ODF2: variants seen among roughly 807,000 people sequenced by gnomAD.
ODF2 encodes the protein outer dense fiber protein 2.
Under a neutral mutation model 110.2 loss-of-function variants are expected in ODF2, and 47 were observed. The observed-to-expected ratio is 0.43, with a 90% CI of 0.34 to 0.54. ODF2 has a LOEUF of 0.54. ODF2 is among the 20% of genes least tolerant of loss of function. ODF2 has a pLI of 0.03. For missense variants in ODF2, 812 were observed against 1,054.5 expected, an observed-to-expected ratio of 0.77 and a Z score of 3.19; for synonymous variants, 352 against 397.7, an observed-to-expected ratio of 0.89 and a Z score of 1.37.
intron 3 of ODF2, 51 bp from the exon 3 acceptor site, chr9:128,460,499 T>G (rs1272277768): frequency 6.2e-7 from 1 of 1,600,366 alleles, no homozygotes; most frequent in African/African-American, 1.3e-5. Context: ...TATGCCCAGT[T>G]TACTCATCCA....
chr9:128,499,060 G>A (rs1266580095), exon 20 of ODF2: 2 of 1,614,184 alleles, frequency 1.2e-6, no homozygotes, highest in Non-Finnish European at 1.7e-6. Context: ...ACAAAATCCT[G>A]GACCTTGAGA....
At position 128,485,324 on chromosome 9, in the gene ODF2, C is replaced by G. The variant is rs1843154166; in HGVS notation, c.1291-41C>G. ...CTCCCAGCTCCTGGCAGCCTCACCACTGACACTAGGCTAACAGGCCCTTTT... is the reference window on the plus strand; with the variant it reads ...CTCCCAGCTCCTGGCAGCCTCACCAGTGACACTAGGCTAACAGGCCCTTTT... On this transcript the variant is annotated intron_variant, in intron 12 of 20. Coordinates refer to ENST00000604420, the Ensembl canonical transcript of ODF2. The surrounding 1 kb of genome is among the most constrained non-coding windows in gnomAD (Gnocchi z 5.0). 1 of 1,123,048 alleles carries G rather than the reference C, an allele frequency of 8.9e-7. No individual in the cohort carries two copies. Among genetic ancestry groups the G allele is most frequent in the African/African-American group, 1.5e-5 (1 of 65,186 alleles). 69.6% of individuals were successfully genotyped at this position (1,123,048 alleles called of 1,614,324 possible).
chr9:128,456,402 A>T (rs1834788787), intron 1 of ODF2, 147 bp downstream of exon 1: 5 of 1,460,308 alleles, frequency 3.4e-6, no homozygotes, highest in Non-Finnish European at 2.7e-6. Flanking sequence ...CTCCTGTCAG[A>T]ACCTGGGCCC....
intron 4 of ODF2, among the ~76,000 whole-genome samples, chr9:128,461,708 C>T (rs544151770): frequency 1.8e-3 from 274 of 152,172 alleles, no homozygotes; most frequent in South Asian, 0.012. Context: ...CGTGAGCCAC[C>T]ACAGCCAGCC....
chr9:128,469,026 T>C (rs1839037937), intron 4 of ODF2, 157 bp from the exon 5 acceptor site: 13 of 612,048 alleles, frequency 2.1e-5, no homozygotes, highest in Non-Finnish European at 3.2e-5. Context: ...GGATAGGTAA[T>C]GTTCCATCAC....
chr9:128,471,298 C>G lies in ODF2; in HGVS notation c.421-10C>G, dbSNP rs368663505. 159 of 1,602,490 alleles carry G rather than the reference C, an allele frequency of 9.9e-5. No individual in the cohort carries two copies. The highest frequency in any genetic ancestry group is 1.3e-4 in the Non-Finnish European group (157 of 1,175,712). On this transcript the variant is annotated splice_polypyrimidine_tract_variant and intron_variant, in intron 5 of 20. Coordinates refer to ENST00000604420, the Ensembl canonical transcript of ODF2. ...CCTTCAGTGGCCCCTGCCTGGGTCC[C>G]CCTGCTCAGGTCAAGATGCAAAAAG...
At chr9:128,456,528 G>C in intron 1 of ODF2, 1 of 1,527,508 alleles carries the variant, frequency 6.5e-7, no homozygotes, top group Non-Finnish European at 8.7e-7. Flanking sequence ...CGCGGGCAGG[G>C]CTTCACCTTT....
chr9:128,459,505 A>G (rs529705577), intron 2 of ODF2, 62 bp from the exon 2 acceptor site: 1 of 1,306,130 alleles, frequency 7.7e-7, no homozygotes, highest in African/African-American at 1.5e-5. Context: ...ATTTCATGAG[A>G]TCTGAAATAT....
chr9:128,455,974 G>C, upstream of ODF2: 1 of 1,410,810 alleles, frequency 7.1e-7, no homozygotes, highest in Non-Finnish European at 9.2e-7. Flanking sequence ...CCTTGGTGAC[G>C]GGACGCGTGG....
chr9:128,456,073 G>C (rs763132512), upstream of ODF2: 69 of 1,523,554 alleles, frequency 4.5e-5, no homozygotes, highest in South Asian at 4.0e-4. Flanking sequence ...GCGGCTCCCG[G>C]GGGGGTTTGA....
intron 14 of ODF2, among the ~76,000 whole-genome samples, chr9:128,488,413 A>G (rs1843841424): frequency 6.6e-6 from 1 of 152,094 alleles, no homozygotes; most frequent in African/African-American, 2.4e-5. Context: ...AAACAGAGAG[A>G]GACTCTGTGT....
At chr9:128,491,458 G>C (rs1286593332) in intron 14 of ODF2, among the ~76,000 whole-genome samples, 1 of 151,676 alleles carries the variant, frequency 6.6e-6, no homozygotes, top group Non-Finnish European at 1.5e-5. Context: ...TGGAGTTTGA[G>C]ATCAGCCTGG....
At chr9:128,496,135 T>G in exon 18 of ODF2, 1 of 1,613,902 alleles carries the variant, frequency 6.2e-7, no homozygotes, top group Non-Finnish European at 8.5e-7. Context: ...GTGGATGAAC[T>G]GGAGAGGTTA....
At chr9:128,489,016 G>T (rs1194008574) in intron 14 of ODF2, among the ~76,000 whole-genome samples, 1 of 152,034 alleles carries the variant, frequency 6.6e-6, no homozygotes, top group East Asian at 1.9e-4. Context: ...CAAAAGAAAA[G>T]AAAAGAAATG....
intron 11 of ODF2, 92 bp from the exon 12 acceptor site, chr9:128,484,609 T>C (rs1216822682): frequency 9.5e-6 from 13 of 1,371,576 alleles, no homozygotes; most frequent in East Asian, 2.5e-5. Flanking sequence ...GCTCTTGCCT[T>C]TTCCTCCCTT....
rs780835655 is a variant in ODF2 at position 128,494,588 on chromosome 9, G to A, written c.1831G>A (p.Ala611Thr). 1.2e-6 allele frequency: 2 copies of A among 1,614,070 alleles called. No homozygotes were observed. Among genetic ancestry groups the A allele is most frequent in the African/African-American group, 1.3e-5 (1 of 74,924 alleles). ...CCTGAAGATCACGGAGGCGAAGCTG[G>A]CTGAGTGCCAAGACCAACTGCAGGG... The change falls in exon 17 of 21, where the codon GCT (alanine) becomes ACT (threonine). Residue 611 changes from alanine (A) to threonine (T), a missense_variant. By Grantham distance (58) the Ala-to-Thr change is moderately conservative (BLOSUM62 0). Coordinates refer to ENST00000604420, the Ensembl canonical transcript of ODF2. This position sits in a 1 kb window ranked among gnomAD's most constrained non-coding sequence, Gnocchi z 4.6.
At chr9:128,472,160 A>G (rs1334626149) in intron 6 of ODF2, among the ~76,000 whole-genome samples, 1 of 152,032 alleles carries the variant, frequency 6.6e-6, no homozygotes, top group East Asian at 1.9e-4. Flanking sequence ...GGCGCCTATA[A>G]TCCTAGCTAC....
At chr9:128,479,992 C>G (rs1044795363) in intron 8 of ODF2, among the ~76,000 whole-genome samples, 1 of 152,074 alleles carries the variant, frequency 6.6e-6, no homozygotes, top group Admixed American at 6.6e-5. Flanking sequence ...TGTGGTGGCA[C>G]ACACCTGTGG....
chr9:128,469,991 A>AAAAC, intron 5 of ODF2, among the ~76,000 whole-genome samples: 1 of 32,774 alleles, frequency 3.1e-5, no homozygotes, highest in African/African-American at 1.5e-4. Flanking sequence ...CTCAAAAAAA[A>AAAAC]AAAAAAAAAA....
Sources: allele counts gnomAD v4.1 joint callset (sites outside exome capture counted in the v4.1 genomes callset), GRCh38; gene constraint gnomAD v4.1.1; non-coding constraint Gnocchi (gnomAD v3.1); transcripts MANE v1.5; gene names NCBI Gene and HGNC (gene_info 2026-07-23, HGNC 2026-07-21).